TECRL: variants seen among roughly 807,000 people sequenced by gnomAD.
The protein encoded by TECRL is trans-2,3-enoyl-CoA reductase-like.
A neutral mutation model predicts 52.8 loss-of-function variants in TECRL; 63 were observed. That is an observed-to-expected ratio of 1.19 (90% CI 0.97 to 1.47). The LOEUF (loss-of-function observed/expected upper bound fraction) is 1.47. Ranked by LOEUF, TECRL falls within the 40% of genes most tolerant of loss-of-function variation. TECRL has a pLI of 0.00. For synonymous variants in TECRL, 164 were observed against 141.9 expected (o/e 1.16, Z -1.10); for missense variants, 482 against 429.6 (o/e 1.12, Z -1.08).
Position 64,390,825 on chromosome 4 carries a change from C to T in TECRL, c.235-15602G>A, listed in dbSNP as rs76248883. On this transcript the variant is annotated intron_variant, in intron 1 of 11. Coordinates refer to ENST00000381210, the MANE Select transcript of TECRL (RefSeq NM_001010874.5). ...CAAATTTTGAAGTGATGGTCATATA[C>T]TTATTTTTCCTACTTAAAGATTTAT... is the stretch of plus-strand genomic sequence containing the variant. Among the ~76,000 whole-genome samples, 1,022 of 151,814 alleles carry T rather than the reference C, an allele frequency of 6.7e-3. 6 individuals are homozygous for T. The highest frequency in any genetic ancestry group is 0.011 in the Non-Finnish European group (761 of 67,750).
At chr4:64,351,734 G>T (rs1162067226) in intron 2 of TECRL, among the ~76,000 whole-genome samples, 3 of 152,114 alleles carry the variant, frequency 2.0e-5, no homozygotes, top group Non-Finnish European at 2.9e-5. Flanking sequence ...TGATAAAAAA[G>T]ATTTTAAAAC....
chr4:64,366,323 A>G (rs535494509), intron 2 of TECRL, among the ~76,000 whole-genome samples: 1 of 152,216 alleles, frequency 6.6e-6, no homozygotes, highest in Non-Finnish European at 1.5e-5. Flanking sequence ...AAGACAAGAT[A>G]GGGTAATACC....
chr4:64,303,749 T>C (rs1358102151), intron 7 of TECRL, among the ~76,000 whole-genome samples: 1 of 151,834 alleles, frequency 6.6e-6, no homozygotes, highest in Non-Finnish European at 1.5e-5. Context: ...TATACTGTTG[T>C]AGAAGTCACA....
chr4:64,306,029 G>C (rs1724316564), intron 6 of TECRL, among the ~76,000 whole-genome samples: 1 of 152,120 alleles, frequency 6.6e-6, no homozygotes, highest in South Asian at 2.1e-4. Flanking sequence ...CTAAACTAAG[G>C]AATAAGGAGA....
chr4:64,409,081 TAAACAAAC>T lies in TECRL; in HGVS notation c.234+29_234+36del, dbSNP rs762674486. The T allele has an allele frequency of 2.8e-6, 4 of 1,444,904 alleles. No individual in the cohort carries two copies. The South Asian group carries it at 5.1e-5, about 18-fold the overall frequency. 89.5% of individuals were successfully genotyped at this position (1,444,904 alleles called of 1,614,324 possible). A position where few individuals can be genotyped will look rare whatever the true frequency, so the allele number is the denominator to read the frequency against. ...ATATTTGGGGCAGAGAAGAAACACT[TAAACAAAC>T]AAACAAATAAATAAATAAATAAACT... On this transcript the variant is annotated intron_variant, in intron 1 of 11. Coordinates refer to ENST00000381210, the MANE Select transcript of TECRL (RefSeq NM_001010874.5).
chr4:64,405,808 T>G (rs967024384), intron 1 of TECRL, among the ~76,000 whole-genome samples: 6 of 152,048 alleles, frequency 3.9e-5, no homozygotes, highest in African/African-American at 1.2e-4. Flanking sequence ...CCAACGAAGT[T>G]GGTTAAAAAA....
At chr4:64,280,542 A>G (rs1011782797) in intron 11 of TECRL, among the ~76,000 whole-genome samples, 1 of 152,140 alleles carries the variant, frequency 6.6e-6, no homozygotes, top group Non-Finnish European at 1.5e-5. Context: ...AATATAATAA[A>G]CCACATTAAT....
intron 8 of TECRL, among the ~76,000 whole-genome samples, chr4:64,298,673 A>C (rs2109969840): frequency 6.6e-6 from 1 of 151,354 alleles, no homozygotes; most frequent in African/African-American, 2.4e-5. Context: ...GAGTTGTCTT[A>C]ATTACACAGA....
intron 2 of TECRL, among the ~76,000 whole-genome samples, chr4:64,362,291 A>G (rs1721253673): frequency 1.3e-5 from 2 of 152,164 alleles, no homozygotes; most frequent in Non-Finnish European, 2.9e-5. Flanking sequence ...GATTCTGTCC[A>G]CAAAAATTTC....
intron 5 of TECRL, among the ~76,000 whole-genome samples, chr4:64,312,103 G>C (rs1311941207): frequency 6.6e-6 from 1 of 152,170 alleles, no homozygotes; most frequent in Non-Finnish European, 1.5e-5. Flanking sequence ...GAACTTTGTG[G>C]TGGTTCGGTC....
At chr4:64,280,395 C>A (rs759391675) in intron 11 of TECRL, among the ~76,000 whole-genome samples, 196 bp from the exon 12 acceptor site, 5 of 151,976 alleles carry the variant, frequency 3.3e-5, no homozygotes, top group Non-Finnish European at 7.4e-5. Flanking sequence ...ACAGAAAATA[C>A]ATTAAAAATT....
intron 2 of TECRL, among the ~76,000 whole-genome samples, chr4:64,368,369 C>T (rs1721752647): frequency 6.6e-6 from 1 of 152,124 alleles, no homozygotes; most frequent in South Asian, 2.1e-4. Flanking sequence ...GATCTTGGCT[C>T]ACTGCAACCT....
chr4:64,387,884 T>C (rs1723285822), intron 1 of TECRL, among the ~76,000 whole-genome samples: 1 of 151,900 alleles, frequency 6.6e-6, no homozygotes, highest in Non-Finnish European at 1.5e-5. Flanking sequence ...AAGAGTTCTT[T>C]GTATATTTTA....
chr4:64,390,502 A>G (rs1723478354), intron 1 of TECRL, among the ~76,000 whole-genome samples: 1 of 151,832 alleles, frequency 6.6e-6, no homozygotes, highest in Non-Finnish European at 1.5e-5. Flanking sequence ...AATAATAAAG[A>G]CAAAAGCTGT....
chr4:64,341,086 C>T (rs1392690309), intron 2 of TECRL, among the ~76,000 whole-genome samples: 6 of 152,148 alleles, frequency 3.9e-5, no homozygotes, highest in Non-Finnish European at 7.4e-5. Flanking sequence ...GAGCTTCCCA[C>T]TCTAGGGTCT....
At chr4:64,289,689 G>T (rs759928586) in intron 9 of TECRL, 21 bp downstream of exon 9, 21 of 1,492,368 alleles carry the variant, frequency 1.4e-5, no homozygotes, top group African/African-American at 3.0e-5. Context: ...CTAAAGAAAA[G>T]AAAAAGAAAA....
intron 2 of TECRL, among the ~76,000 whole-genome samples, chr4:64,348,263 A>AGG (rs1720133042): frequency 6.6e-6 from 1 of 151,952 alleles, no homozygotes; most frequent in Non-Finnish European, 1.5e-5. Context: ...CAGAAGAGAG[A>AGG]GAAAAATAAA....
intron 6 of TECRL, among the ~76,000 whole-genome samples, chr4:64,309,558 G>C (rs987967275): frequency 5.9e-5 from 9 of 152,226 alleles, no homozygotes; most frequent in South Asian, 4.1e-4. Context: ...TCTGAATTCA[G>C]TGCTTAGTAT....
In TECRL at chr4:64,335,324, C is replaced by A. The variant is rs556160886; in HGVS notation, c.287-6768G>T. 2.0e-5 allele frequency among the ~76,000 whole-genome samples: 3 copies of A among 152,294 alleles called. No homozygotes were observed. The South Asian group carries it at 6.2e-4, about 32-fold the overall frequency. On this transcript the variant is annotated intron_variant, in intron 2 of 11. Coordinates refer to ENST00000381210, the MANE Select transcript of TECRL (RefSeq NM_001010874.5). Reference sequence around the variant, plus strand: ...ATTGTGGACTGTGCATGTGAGGAATCTAGGTTGCATGCTCCTTATGAGAAT... The same window carrying A: ...ATTGTGGACTGTGCATGTGAGGAATATAGGTTGCATGCTCCTTATGAGAAT...
Sources: gnomAD v4.1 joint callset for allele counts (sites outside exome capture counted in the v4.1 genomes callset) on GRCh38, gnomAD v4.1.1 for gene constraint, MANE v1.5 for transcripts, NCBI Gene and HGNC (gene_info 2026-07-23, HGNC 2026-07-21) for gene names.